PRELID2: variants seen among roughly 807,000 people sequenced by gnomAD.
PRELID2 encodes the protein PRELI domain containing 2.
Under a neutral mutation model 28.4 loss-of-function variants are expected in PRELID2, and 25 were observed. That is an observed-to-expected ratio of 0.88 (90% CI 0.64 to 1.23). The LOEUF is 1.23. Ranked by LOEUF, PRELID2 falls within the 50% of genes most tolerant of loss-of-function variation. PRELID2 has a pLI of 0.00. For missense variants in PRELID2, 201 were observed against 214.4 expected (o/e 0.94, Z 0.39); for synonymous variants, 76 against 71.6 (o/e 1.06, Z -0.31).
intron 1 of PRELID2, among the ~76,000 whole-genome samples, chr5:145,612,601 C>T (rs1753632825): frequency 6.6e-6 from 1 of 152,106 alleles, no homozygotes; most frequent in South Asian, 2.1e-4. Context: ...GCCTTTTATC[C>T]CTCGCCCTCC....
intron 5 of PRELID2, among the ~76,000 whole-genome samples, chr5:145,788,436 G>A (rs935757378): frequency 2.8e-4 from 43 of 152,100 alleles, no homozygotes; most frequent in Admixed American, 1.6e-3. Context: ...ACTATGGCAC[G>A]GTCAAGAGAT....
chr5:145,745,866 A>AAAAAATG (rs1554088711), intron 1 of PRELID2, among the ~76,000 whole-genome samples: 222 of 150,968 alleles, frequency 1.5e-3, no homozygotes, highest in African/African-American at 4.8e-3. Context: ...TCATCTCAAA[A>AAAAAATG]AAAAAAATGA....
intron 1 of PRELID2, among the ~76,000 whole-genome samples, chr5:145,558,939 C>G (rs1342580833): frequency 1.3e-5 from 2 of 152,108 alleles, no homozygotes; most frequent in African/African-American, 2.4e-5. Flanking sequence ...TTTGCACAAC[C>G]ATGAAAATAA....
At chr5:145,306,051 T>C in the PRELID2 span, among the ~76,000 whole-genome samples, 3 of 152,192 alleles carry the variant, frequency 2.0e-5, no homozygotes, top group Non-Finnish European at 2.9e-5. Flanking sequence ...CACGACAAAC[T>C]ATTCCTTTAT....
Position 145,497,710 on chromosome 5 carries a change from G to A in PRELID2, n.71-24395C>T, listed in dbSNP as rs527939037. ...GAGATTTCCATGTTTCCAATCCCAG[G>A]AGCCATTGGAACAACAGATGGCTAA... On this transcript the variant is annotated intron_variant and non_coding_transcript_variant, in intron 1 of 2. Transcript: ENST00000510259. Among the ~76,000 whole-genome samples, 5 of 152,238 alleles carry A rather than the reference G, an allele frequency of 3.3e-5. No individual in the cohort carries two copies. The South Asian group carries it at 8.3e-4, about 25-fold the overall frequency.
At chr5:145,277,839 G>C in the PRELID2 span, among the ~76,000 whole-genome samples, 1 of 152,148 alleles carries the variant, frequency 6.6e-6, no homozygotes, top group Admixed American at 6.6e-5. Context: ...AGCAGTAGCT[G>C]ATGTTGAGTC....
At chr5:145,315,752 G>T in the PRELID2 span, among the ~76,000 whole-genome samples, 1 of 151,118 alleles carries the variant, frequency 6.6e-6, no homozygotes, top group African/African-American at 2.4e-5. Flanking sequence ...TGGAATGCGA[G>T]GCTGAATCTA....
intron 1 of PRELID2, among the ~76,000 whole-genome samples, chr5:145,493,774 T>C (rs1368823267): frequency 6.6e-6 from 1 of 152,208 alleles, no homozygotes; most frequent in African/African-American, 2.4e-5. Context: ...TAGAATATCA[T>C]ATCCATGATG....
chr5:145,551,728 C>T (rs1054776189), intron 1 of PRELID2, among the ~76,000 whole-genome samples: 1 of 152,126 alleles, frequency 6.6e-6, no homozygotes, highest in African/African-American at 2.4e-5. Flanking sequence ...GATTTGGGAT[C>T]AGTTTAATAA....
At chr5:145,666,294 A>G (rs144325969) in intron 1 of PRELID2, among the ~76,000 whole-genome samples, 128 of 152,190 alleles carry the variant, frequency 8.4e-4, no homozygotes, top group Middle Eastern at 3.4e-3. Context: ...CCTTGAAACA[A>G]TCACTGTGAC....
chr5:145,652,525 A>C (rs1297721959), intron 1 of PRELID2, among the ~76,000 whole-genome samples: 1 of 152,264 alleles, frequency 6.6e-6, no homozygotes, highest in Non-Finnish European at 1.5e-5. Flanking sequence ...CCACAAGGGG[A>C]AGCCCATGAG....
chr5:145,441,446 C>G, the PRELID2 span, among the ~76,000 whole-genome samples: 2 of 152,084 alleles, frequency 1.3e-5, no homozygotes, highest in Admixed American at 1.3e-4. Context: ...TCCCATCTCA[C>G]TCCTCTCTTA....
At chr5:145,249,937 G>GTCTCTC in the PRELID2 span, among the ~76,000 whole-genome samples, 1,155 of 138,690 alleles carry the variant, frequency 8.3e-3, 13 homozygotes, top group African/African-American at 0.027. Context: ...CTCTCTCTCT[G>GTCTCTC]TCTCTCTCTC....
At chr5:145,496,871 GT>G (rs911525045) in intron 1 of PRELID2, among the ~76,000 whole-genome samples, 2 of 151,552 alleles carry the variant, frequency 1.3e-5, no homozygotes, top group East Asian at 3.9e-4. Flanking sequence ...GGTTTTGTTC[GT>G]TTTTTTTAGA....
At chr5:145,815,133 A>C (rs190920785) in intron 4 of PRELID2, among the ~76,000 whole-genome samples, 1 of 152,318 alleles carries the variant, frequency 6.6e-6, no homozygotes, top group African/African-American at 2.4e-5. Context: ...TGGTGTCCTT[A>C]TAAAAAGAAA....
chr5:145,541,281 T>C (rs1356083529), intron 1 of PRELID2, among the ~76,000 whole-genome samples: 2 of 152,122 alleles, frequency 1.3e-5, no homozygotes, highest in Non-Finnish European at 2.9e-5. Context: ...TATAGTTTAG[T>C]ATGTGCAAAG....
chr5:145,406,873 A>C, the PRELID2 span, among the ~76,000 whole-genome samples: 1 of 152,164 alleles, frequency 6.6e-6, no homozygotes, highest in South Asian at 2.1e-4. Flanking sequence ...TAGGGAGCTG[A>C]GTGAAATATA....
intron 1 of PRELID2, among the ~76,000 whole-genome samples, chr5:145,592,725 C>A (rs1413467758): frequency 1.3e-5 from 2 of 152,114 alleles, no homozygotes; most frequent in Admixed American, 6.5e-5. Context: ...TACTTTGTTG[C>A]ATAACAGGTA....
At chr5:145,469,408 C>G (rs2126603224), downstream of PRELID2, among the ~76,000 whole-genome samples, 1 of 152,140 alleles carries the variant, frequency 6.6e-6, no homozygotes, top group South Asian at 2.1e-4. Context: ...TTTGTTTCTA[C>G]CATCAGATCT....
Sources: allele counts gnomAD v4.1 joint callset (sites outside exome capture counted in the v4.1 genomes callset), GRCh38; gene constraint gnomAD v4.1.1; transcripts MANE v1.5; gene names NCBI Gene and HGNC (gene_info 2026-07-23, HGNC 2026-07-21).